The following TRHDE variants were observed in gnomAD, a reference collection of about 807,000 sequenced individuals.
TRHDE encodes the protein thyrotropin-releasing hormone-degrading ectoenzyme.
Under a neutral mutation model 125.7 loss-of-function variants are expected in TRHDE, and 72 were observed. The observed-to-expected ratio is 0.57, with a 90% CI of 0.47 to 0.70. The LOEUF (loss-of-function observed/expected upper bound fraction) is 0.70, where lower values mean the gene tolerates loss of function less well. Among genes scored for constraint, TRHDE ranks in the 30% least tolerant of loss-of-function variants. The pLI, the probability that TRHDE is intolerant of heterozygous loss-of-function variation, is 0.00. For missense variants in TRHDE, 1,110 were observed against 1,327.1 expected, an observed-to-expected ratio of 0.84 and a Z score of 2.54; for synonymous variants, 509 against 509.1, an observed-to-expected ratio of 1.00 and a Z score of 0.00.
At chr12:72,301,154 T>C (rs1034397999) in intron 2 of TRHDE, among the ~76,000 whole-genome samples, 2 of 152,118 alleles carry the variant, frequency 1.3e-5, no homozygotes, top group African/African-American at 4.8e-5. Flanking sequence ...GTCTCTCTGA[T>C]GAAATGTAAA....
chr12:72,126,446 C>T (rs940326560), intron 2 of TRHDE, among the ~76,000 whole-genome samples: 2 of 152,190 alleles, frequency 1.3e-5, no homozygotes, highest in Non-Finnish European at 2.9e-5. Context: ...TCACATTATC[C>T]AACTTCAAAC....
intron 3 of TRHDE, among the ~76,000 whole-genome samples, chr12:72,459,162 A>G (rs912934118): frequency 3.9e-5 from 6 of 152,066 alleles, no homozygotes; most frequent in African/African-American, 9.7e-5. Context: ...TCTTTCTAAC[A>G]TTTCCTCAAT....
intron 12 of TRHDE, among the ~76,000 whole-genome samples, chr12:72,603,647 A>C (rs1872300683): frequency 6.6e-6 from 1 of 151,824 alleles, no homozygotes; most frequent in African/African-American, 2.4e-5. Flanking sequence ...ACGGCGAGAA[A>C]CGGGGAGGCG....
chr12:72,413,418 A>C (rs899705228), intron 3 of TRHDE, among the ~76,000 whole-genome samples: 1 of 151,076 alleles, frequency 6.6e-6, no homozygotes, highest in Non-Finnish European at 1.5e-5. Flanking sequence ...TTCAGTATGA[A>C]AAAAGAATAT....
intron 6 of TRHDE, among the ~76,000 whole-genome samples, chr12:72,508,185 G>C (rs1169536821): frequency 6.6e-6 from 1 of 152,212 alleles, no homozygotes; most frequent in Admixed American, 6.5e-5. Context: ...CCCCCACACA[G>C]AATCCCCTCT....
At chr12:72,145,534 A>G (rs990874106) in intron 2 of TRHDE, among the ~76,000 whole-genome samples, 1 of 152,202 alleles carries the variant, frequency 6.6e-6, no homozygotes, top group Non-Finnish European at 1.5e-5. Context: ...TTGAAGTTTC[A>G]TAGATGGTTC....
chr12:72,184,757 G>T (rs1027244263), intron 2 of TRHDE, among the ~76,000 whole-genome samples: 1 of 152,192 alleles, frequency 6.6e-6, no homozygotes, highest in African/African-American at 2.4e-5. Flanking sequence ...GAGGTGAAGG[G>T]TATGGCTTTT....
At chr12:72,641,097 A>C (rs1233566542) in intron 15 of TRHDE, among the ~76,000 whole-genome samples, 5 of 152,210 alleles carry the variant, frequency 3.3e-5, no homozygotes, top group African/African-American at 1.2e-4. Flanking sequence ...AATGACCTTG[A>C]CTTACCTGGA....
chr12:72,393,200 G>T (rs1872671718), intron 3 of TRHDE, among the ~76,000 whole-genome samples: 2 of 152,090 alleles, frequency 1.3e-5, no homozygotes, highest in Admixed American at 1.3e-4. Flanking sequence ...ATTTTCCTCT[G>T]CAACCTCTAA....
intron 2 of TRHDE, among the ~76,000 whole-genome samples, chr12:72,170,841 T>G (rs1001855410): frequency 6.6e-6 from 1 of 152,170 alleles, no homozygotes; most frequent in African/African-American, 2.4e-5. Context: ...TGCCTTTCTC[T>G]CTCTGCACAA....
intron 2 of TRHDE, among the ~76,000 whole-genome samples, chr12:72,305,531 C>T (rs1360366220): frequency 6.6e-6 from 1 of 152,158 alleles, no homozygotes; most frequent in Non-Finnish European, 1.5e-5. Context: ...AATCGTTTGC[C>T]TCTTCAGTAA....
chr12:72,332,459 A>G (rs550672654), intron 2 of TRHDE, among the ~76,000 whole-genome samples: 29 of 152,032 alleles, frequency 1.9e-4, no homozygotes, highest in Admixed American at 1.9e-3. Flanking sequence ...TTAAACAACC[A>G]AATCTTGAGT....
intron 15 of TRHDE, among the ~76,000 whole-genome samples, chr12:72,645,777 C>G (rs1874256057): frequency 6.6e-6 from 1 of 151,986 alleles, no homozygotes; most frequent in African/African-American, 2.4e-5. Flanking sequence ...GATTTTTCAG[C>G]AGAAATCTTG....
At chr12:72,584,018 C>T (rs1162175877) in intron 12 of TRHDE, among the ~76,000 whole-genome samples, 1 of 86,338 alleles carries the variant, frequency 1.2e-5, no homozygotes, top group Non-Finnish European at 1.9e-5. Flanking sequence ...GCAGGCTCCG[C>T]CCCCTGGGGT....
intron 12 of TRHDE, among the ~76,000 whole-genome samples, chr12:72,601,333 T>C (rs1306220413): frequency 6.6e-6 from 1 of 152,150 alleles, no homozygotes; most frequent in Non-Finnish European, 1.5e-5. Flanking sequence ...AATGTGGAAT[T>C]GCTTCTTGTG....
At chr12:72,344,055 G>T (rs1206226547) in intron 2 of TRHDE, among the ~76,000 whole-genome samples, 4 of 151,814 alleles carry the variant, frequency 2.6e-5, no homozygotes, top group African/African-American at 9.7e-5. Context: ...TGAACATACA[G>T]CCAGATTAAA....
chr12:72,646,859 G>A (rs767366857), intron 15 of TRHDE, among the ~76,000 whole-genome samples: 17 of 151,284 alleles, frequency 1.1e-4, no homozygotes, highest in Non-Finnish European at 2.2e-4. Flanking sequence ...AGAACTGAAG[G>A]GAGAAATAAA....
In TRHDE at chr12:72,666,273, GCA is replaced by G. The variant is rs1471343941; in HGVS notation, c.*3081_*3082del. 1.3e-5 allele frequency: 2 copies of G among 152,138 alleles called. No individual in the cohort carries two copies. Among genetic ancestry groups the G allele is most frequent in the East Asian group, 3.9e-4 (2 of 5,172 alleles). 9.4% of individuals were successfully genotyped at this position (152,138 alleles called of 1,614,324 possible). ...ATTTAAAACTACAAAATAGGGCTGG[GCA>G]CAGTGGCTCATGCCTGTAATCCCAG... On this transcript the variant is annotated 3_prime_UTR_variant, in exon 19 of 19. Transcript: ENST00000261180.
Position 72,290,151 on chromosome 12 carries a change from A to T in TRHDE, c.1188+3197A>T, listed in dbSNP as rs140353373. Among the ~76,000 whole-genome samples the T allele has an allele frequency of 3.2e-3, 487 of 152,344 alleles. 1 individual carries two copies. Among genetic ancestry groups the T allele is most frequent in the Middle Eastern group, 0.014 (4 of 294 alleles). ...TAGGGATGTGCTTCATGGAGGAGAT[A>T]GGATTCAGTATGGCCCTGAATGATG... On this transcript the variant is annotated intron_variant, in intron 2 of 18. Coordinates refer to ENST00000261180, the MANE Select transcript of TRHDE (RefSeq NM_013381.3).
Sources: allele counts gnomAD v4.1 joint callset (sites outside exome capture counted in the v4.1 genomes callset), GRCh38; gene constraint gnomAD v4.1.1; transcripts MANE v1.5; gene names NCBI Gene and HGNC (gene_info 2026-07-23, HGNC 2026-07-21).